Variants in DGKB observed in about 807,000 individuals in gnomAD.
The protein encoded by DGKB is diacylglycerol kinase beta, also known as 90 kDa diacylglycerol kinase.
In DGKB, 67 loss-of-function variants were observed where a neutral mutation model predicts 114.3. That is an observed-to-expected ratio of 0.59 (90% CI 0.48 to 0.72). DGKB has a LOEUF of 0.72. DGKB is among the 30% of genes least tolerant of loss of function. DGKB has a pLI of 0.00. For synonymous variants in DGKB, 398 were observed against 323.1 expected, an observed-to-expected ratio of 1.23 and a Z score of -2.49; for missense variants, 907 against 975.2, an observed-to-expected ratio of 0.93 and a Z score of 0.93.
At chr7:14,320,981 C>T (rs6415237) in intron 23 of DGKB, among the ~76,000 whole-genome samples, 133,721 of 152,258 alleles carry the variant, frequency 0.88, 58,989 homozygotes, top group African/African-American at 0.96. Context: ...AAGGAATACA[C>T]GGTTGCTTTA....
chr7:14,548,391 C>T (rs968913002), intron 20 of DGKB, among the ~76,000 whole-genome samples: 45 of 152,240 alleles, frequency 3.0e-4, no homozygotes, highest in African/African-American at 1.1e-3. Context: ...AAATGAGTGG[C>T]AAGCCCAGTT....
At chr7:14,719,196 T>A (rs901836885) in intron 5 of DGKB, among the ~76,000 whole-genome samples, 6 of 152,212 alleles carry the variant, frequency 3.9e-5, no homozygotes, top group African/African-American at 1.4e-4. Context: ...CATCCTTTTT[T>A]ACCATCAAGG....
intron 23 of DGKB, among the ~76,000 whole-genome samples, chr7:14,182,893 A>T (rs1019603935): frequency 1.3e-5 from 2 of 152,198 alleles, no homozygotes; most frequent in Non-Finnish European, 2.9e-5. Context: ...CGCAGAATAT[A>T]GTGGGTACTG....
At position 14,849,831 on chromosome 7, in the gene DGKB, C is replaced by T. The variant is rs552842405; in HGVS notation, c.-187-8381G>A. On this transcript the variant is annotated intron_variant, in intron 1 of 25. Transcript: ENST00000402815. The stretch of plus-strand genomic sequence containing the variant: ...ACCAATTTCAAACAATCTCAAGAGG[C>T]ACAGAGCCTCAAGACAAGGATAAAG... Among the ~76,000 whole-genome samples the T allele has an allele frequency of 5.3e-5, 8 of 152,176 alleles. No homozygotes were observed. The South Asian group carries it at 1.5e-3, about 28-fold the overall frequency.
At chr7:14,897,323 G>A (rs1782264492) in intron 1 of DGKB, among the ~76,000 whole-genome samples, 1 of 151,958 alleles carries the variant, frequency 6.6e-6, no homozygotes, top group Non-Finnish European at 1.5e-5. Context: ...CAGGGTTTCT[G>A]GATTGAATTT....
At chr7:14,944,414 GTAAC>G (rs1245443233) in intron 1 of DGKB, among the ~76,000 whole-genome samples, 1 of 151,910 alleles carries the variant, frequency 6.6e-6, no homozygotes, top group Non-Finnish European at 1.5e-5. Flanking sequence ...GAAATCTAGA[GTAAC>G]TAAACATTGT....
chr7:14,174,468 A>G (rs1781439138), intron 25 of DGKB, among the ~76,000 whole-genome samples: 1 of 152,200 alleles, frequency 6.6e-6, no homozygotes, highest in Admixed American at 6.5e-5. Flanking sequence ...AAAACATGGA[A>G]TAAGGGCTAA....
chr7:14,770,854 C>T (rs1009787288), intron 2 of DGKB, among the ~76,000 whole-genome samples: 3 of 152,024 alleles, frequency 2.0e-5, no homozygotes, highest in African/African-American at 4.8e-5. Flanking sequence ...ATATTAAAAG[C>T]GGATAGAGCC....
chr7:14,475,137 G>T (rs1430050894), intron 21 of DGKB, among the ~76,000 whole-genome samples: 3 of 152,036 alleles, frequency 2.0e-5, no homozygotes, highest in African/African-American at 7.2e-5. Flanking sequence ...AAATATAAAT[G>T]AATTTCAAGG....
chr7:14,810,504 A>G, intron 2 of DGKB, among the ~76,000 whole-genome samples: 1 of 152,344 alleles, frequency 6.6e-6, no homozygotes, highest in Non-Finnish European at 1.5e-5. Flanking sequence ...TAATTTTAAT[A>G]ATTTATTTTA....
At chr7:14,699,972 A>T (rs887882111) in intron 7 of DGKB, among the ~76,000 whole-genome samples, 2 of 152,090 alleles carry the variant, frequency 1.3e-5, no homozygotes, top group Non-Finnish European at 2.9e-5. Context: ...CCTAGTAAAG[A>T]ATCATCATTT....
chr7:14,691,759 G>A (rs763709686), intron 9 of DGKB, among the ~76,000 whole-genome samples: 2 of 151,278 alleles, frequency 1.3e-5, no homozygotes, highest in Admixed American at 6.6e-5. Flanking sequence ...GGTGGGGGGC[G>A]GAATTTAGTC....
chr7:14,495,481 A>C (rs2128941963), intron 20 of DGKB, among the ~76,000 whole-genome samples: 1 of 151,930 alleles, frequency 6.6e-6, no homozygotes, highest in East Asian at 1.9e-4. Context: ...TAGTCTTTTG[A>C]AAGGACAGCA....
intron 2 of DGKB, among the ~76,000 whole-genome samples, chr7:14,788,882 T>A (rs56173909): frequency 1.9e-3 from 295 of 152,098 alleles, no homozygotes; most frequent in African/African-American, 6.5e-3. Flanking sequence ...AACCTGCTTT[T>A]AAAAAAACCG....
At chr7:14,165,937 T>C (rs1584177855) in intron 25 of DGKB, among the ~76,000 whole-genome samples, 1 of 152,224 alleles carries the variant, frequency 6.6e-6, no homozygotes, top group Non-Finnish European at 1.5e-5. Context: ...AGAAGCATGG[T>C]ATTTCTTCCT....
At chr7:14,968,983 T>C (rs1375320687) in intron 1 of DGKB, among the ~76,000 whole-genome samples, 1 of 152,170 alleles carries the variant, frequency 6.6e-6, no homozygotes. Flanking sequence ...TTTGCAGAAT[T>C]CATCTTACTG....
At chr7:14,394,106 A>C (rs1425468592) in intron 21 of DGKB, among the ~76,000 whole-genome samples, 3 of 152,218 alleles carry the variant, frequency 2.0e-5, no homozygotes, top group African/African-American at 4.8e-5. Flanking sequence ...AAGATCAATT[A>C]GGTCATTTAG....
In DGKB at chr7:14,415,543, A is replaced by C. The variant is rs575621924; in HGVS notation, c.1835+62618T>G. Among the ~76,000 whole-genome samples the C allele has an allele frequency of 2.6e-5, 4 of 151,580 alleles. No individual in the cohort carries two copies. In the East Asian group the frequency reaches 7.8e-4, roughly 30 times the overall value. ...GTGTTTGGTTTTTTGTTCTTGCGAT[A>C]GTTTGCTGAGAATGATGGTTTCCAG... On this transcript the variant is annotated intron_variant, in intron 21 of 25. Transcript: ENST00000402815.
chr7:14,684,434 T>C (rs1249748861), intron 10 of DGKB, among the ~76,000 whole-genome samples: 3 of 152,232 alleles, frequency 2.0e-5, no homozygotes, highest in South Asian at 2.1e-4. Context: ...AATTGATGGA[T>C]TAATGGAGAA....
Sources: allele counts gnomAD v4.1 joint callset (sites outside exome capture counted in the v4.1 genomes callset), GRCh38; gene constraint gnomAD v4.1.1; transcripts MANE v1.5; gene names NCBI Gene and HGNC (gene_info 2026-07-23, HGNC 2026-07-21).